GRK5: variants seen among roughly 807,000 people sequenced by gnomAD.
GRK5 encodes the protein G protein-coupled receptor kinase 5, also known as g protein-coupled receptor kinase GRK5.
In GRK5, 40 loss-of-function variants were observed where a neutral mutation model predicts 78.4. That is an observed-to-expected ratio of 0.51 (90% confidence interval 0.40 to 0.66). GRK5 has a LOEUF of 0.66. GRK5 is among the 30% of genes least tolerant of loss of function. GRK5 has a pLI of 0.00. For synonymous variants in GRK5, 289 were observed against 296.8 expected, an observed-to-expected ratio of 0.97 and a Z score of 0.27; for missense variants, 598 against 759.9, an observed-to-expected ratio of 0.79 and a Z score of 2.50.
At chr10:119,287,861 T>G (rs192182673) in intron 1 of GRK5, among the ~76,000 whole-genome samples, 132 of 152,294 alleles carry the variant, frequency 8.7e-4, no homozygotes, top group African/African-American at 3.1e-3. Flanking sequence ...GGCTTTCAGG[T>G]GAAGTGAGTT....
At position 119,459,397 on chromosome 10, in the gene GRK5, C is replaced by T. The variant is rs1205472962; in HGVS notation, c.*4330C>T. On this transcript the variant is annotated 3_prime_UTR_variant, in exon 16 of 16. Coordinates refer to ENST00000392870, the MANE Select transcript of GRK5 (RefSeq NM_005308.3). ...GCCAGCTCTCCCTGGCAGAGAAAGA[C>T]ACTTCCCCCCCAAAGTGGAATTTAG... 4.7e-5 allele frequency: 7 copies of T among 149,758 alleles called. No individual in the cohort carries two copies. The highest frequency in any genetic ancestry group is 4.7e-4 in the Admixed American group (7 of 15,050). 9.3% of individuals were successfully genotyped at this position (149,758 alleles called of 1,614,324 possible).
chr10:119,399,010 T>G (rs190799075), intron 4 of GRK5, among the ~76,000 whole-genome samples: 3 of 152,196 alleles, frequency 2.0e-5, no homozygotes, highest in Non-Finnish European at 4.4e-5. Context: ...GTGGCCAACC[T>G]TGTCCAGAAG....
At chr10:119,368,501 A>G (rs1851488913) in intron 2 of GRK5, among the ~76,000 whole-genome samples, 1 of 152,208 alleles carries the variant, frequency 6.6e-6, no homozygotes, top group South Asian at 2.1e-4. Flanking sequence ...CCAGGCTCAC[A>G]GCCCCACTGT....
At chr10:119,326,437 A>T in intron 1 of GRK5, 79 bp from the exon 2 acceptor site, 1 of 1,158,844 alleles carries the variant, frequency 8.6e-7, no homozygotes, top group Non-Finnish European at 1.3e-6. Context: ...TCAGCCCAGG[A>T]GGCTGGTGGG....
intron 2 of GRK5, among the ~76,000 whole-genome samples, chr10:119,376,706 A>G (rs1851627156): frequency 6.6e-6 from 1 of 152,008 alleles, no homozygotes; most frequent in African/African-American, 2.4e-5. Context: ...CTGGGATTAC[A>G]GGTGCCTGCC....
intron 2 of GRK5, among the ~76,000 whole-genome samples, chr10:119,364,212 A>G (rs1252711547): frequency 6.6e-6 from 1 of 152,202 alleles, no homozygotes; most frequent in Non-Finnish European, 1.5e-5. Flanking sequence ...GAGCTGAGCA[A>G]ACCTGGATGT....
At chr10:119,252,498 G>A (rs542376754) in intron 1 of GRK5, among the ~76,000 whole-genome samples, 29 of 152,262 alleles carry the variant, frequency 1.9e-4, no homozygotes, top group South Asian at 8.3e-4. Flanking sequence ...CTGGAGAGGC[G>A]GGGAAGGGCA....
intron 1 of GRK5, among the ~76,000 whole-genome samples, chr10:119,312,223 T>G (rs1850371430): frequency 6.6e-6 from 1 of 152,240 alleles, no homozygotes; most frequent in African/African-American, 2.4e-5. Context: ...GCCTAAATTA[T>G]TCACTTTAAA....
chr10:119,208,045 G>A, intron 1 of GRK5, 76 bp downstream of exon 1: 2 of 1,432,636 alleles, frequency 1.4e-6, no homozygotes, highest in South Asian at 1.2e-5. Flanking sequence ...CGTGCGGGCT[G>A]GGGCTGCGCC....
chr10:119,422,376 C>T (rs1264543715), intron 4 of GRK5, among the ~76,000 whole-genome samples: 1 of 152,234 alleles, frequency 6.6e-6, no homozygotes, highest in African/African-American at 2.4e-5. Flanking sequence ...GTGCTTGCTA[C>T]TACTGCCAGA....
chr10:119,417,308 C>A (rs925682992), intron 4 of GRK5, among the ~76,000 whole-genome samples: 1 of 152,198 alleles, frequency 6.6e-6, no homozygotes, highest in Non-Finnish European at 1.5e-5. Context: ...CTCCTCAGCA[C>A]CCCTCCTCCC....
intron 6 of GRK5, 46 bp downstream of exon 6, chr10:119,425,131 C>T: frequency 7.6e-7 from 1 of 1,321,684 alleles, no homozygotes; most frequent in Non-Finnish European, 1.1e-6. Flanking sequence ...AGAGGGTACA[C>T]ATTTTTCATC....
At chr10:119,243,030 G>A (rs922804417) in intron 1 of GRK5, among the ~76,000 whole-genome samples, 5 of 152,318 alleles carry the variant, frequency 3.3e-5, no homozygotes, top group Non-Finnish European at 5.9e-5. Flanking sequence ...CCTAAGGTCA[G>A]GAGTTCAAGA....
intron 9 of GRK5, among the ~76,000 whole-genome samples, chr10:119,437,316 C>A (rs1343051179): frequency 6.6e-6 from 1 of 152,074 alleles, no homozygotes; most frequent in African/African-American, 2.4e-5. Context: ...TGGTCTTCAC[C>A]CCCTCTCCCC....
At chr10:119,420,322 GA>G (rs1852541879) in intron 4 of GRK5, among the ~76,000 whole-genome samples, 1 of 134,034 alleles carries the variant, frequency 7.5e-6, no homozygotes, top group African/African-American at 2.8e-5. Flanking sequence ...ATTTGGAGGA[GA>G]AAAGTTTGCT....
chr10:119,361,771 G>A (rs1439238570), intron 2 of GRK5, among the ~76,000 whole-genome samples: 2 of 152,074 alleles, frequency 1.3e-5, no homozygotes, highest in Non-Finnish European at 2.9e-5. Flanking sequence ...GACCAGCCTG[G>A]CCAACATGGC....
chr10:119,229,056 C>T (rs961178812), intron 1 of GRK5, among the ~76,000 whole-genome samples: 5 of 152,042 alleles, frequency 3.3e-5, no homozygotes, highest in East Asian at 1.9e-4. Context: ...GTTTTGACTC[C>T]GCTAGATGAT....
chr10:119,284,817 A>C (rs903003587), intron 1 of GRK5, among the ~76,000 whole-genome samples: 4 of 152,184 alleles, frequency 2.6e-5, no homozygotes, highest in African/African-American at 9.7e-5. Flanking sequence ...TGCTGGATGC[A>C]AGGCTGCCGT....
At chr10:119,315,727 C>G (rs1304201505) in intron 1 of GRK5, among the ~76,000 whole-genome samples, 1 of 152,192 alleles carries the variant, frequency 6.6e-6, no homozygotes, top group East Asian at 1.9e-4. Context: ...GTGACACTGC[C>G]TTCCACTCTG....
Sources: gnomAD v4.1 joint callset for allele counts (sites outside exome capture counted in the v4.1 genomes callset) on GRCh38, gnomAD v4.1.1 for gene constraint, MANE v1.5 for transcripts, NCBI Gene and HGNC (gene_info 2026-07-23, HGNC 2026-07-21) for gene names.